The following SLC4A8 variants were observed in gnomAD, a reference collection of about 807,000 sequenced individuals.
SLC4A8 encodes electroneutral sodium bicarbonate exchanger 1.
In SLC4A8, 40 loss-of-function variants were observed where a neutral mutation model predicts 125.0. The ratio of observed to expected loss-of-function variants is 0.32; its 90% CI spans 0.25 to 0.42. SLC4A8 has a LOEUF of 0.42. SLC4A8 is among the 10% of genes least tolerant of loss of function. The probability of loss-of-function intolerance (pLI) is 1.00; values close to 1 mark genes in which losing one functional copy is unlikely to be tolerated. For missense variants in SLC4A8, 863 were observed against 1,355.1 expected (o/e 0.64, Z 5.70); for synonymous variants, 456 against 476.0 (o/e 0.96, Z 0.55).
At chr12:51,458,312 A>C (rs1211093193) in intron 6 of SLC4A8, among the ~76,000 whole-genome samples, 1 of 152,248 alleles carries the variant, frequency 6.6e-6, no homozygotes, top group Non-Finnish European at 1.5e-5. Flanking sequence ...GCCTTAATAG[A>C]GAAATAAAAG....
At chr12:51,469,184 G>T (rs565307303) in intron 11 of SLC4A8, 1 of 154,898 alleles carries the variant, frequency 6.5e-6, no homozygotes, top group South Asian at 2.0e-4. Context: ...CAAGTAAGGG[G>T]GGTAGTTGTT....
At chr12:51,397,655 A>T (rs571362689) in intron 1 of SLC4A8, among the ~76,000 whole-genome samples, 7 of 152,328 alleles carry the variant, frequency 4.6e-5, no homozygotes, top group South Asian at 4.1e-4. Flanking sequence ...TTTTGGTATG[A>T]TATAGTCTGC....
rs758310578 is a variant in SLC4A8, at chr12:51,513,475, T to C, written c.*6037T>C. 1.1e-4 allele frequency: 17 copies of C among 152,188 alleles called. No homozygotes were observed. The highest frequency in any genetic ancestry group is 2.2e-4 in the African/African-American group (9 of 41,430). The allele number at this position is 152,188 out of a possible 1,614,324, so 9.4% of individuals were successfully genotyped here. A position where few individuals can be genotyped will look rare whatever the true frequency, so the allele number is the denominator to read the frequency against. On this transcript the variant is annotated 3_prime_UTR_variant, in exon 25 of 25. Coordinates refer to ENST00000453097, the MANE Select transcript of SLC4A8 (RefSeq NM_001039960.3). ...TTTGTTTTTTGTTTTTGAGACGGAGTCTCGCTCTGTCGCTTTGTCACCAGG... is the reference window on the plus strand; with the variant it reads ...TTTGTTTTTTGTTTTTGAGACGGAGCCTCGCTCTGTCGCTTTGTCACCAGG...
chr12:51,452,557 T>C (rs1950002795), intron 4 of SLC4A8, among the ~76,000 whole-genome samples: 1 of 152,212 alleles, frequency 6.6e-6, no homozygotes, highest in Non-Finnish European at 1.5e-5. Flanking sequence ...CTTGGTATTA[T>C]TATAGGTCTG....
chr12:51,469,416 T>C (rs1950624691), intron 11 of SLC4A8, among the ~76,000 whole-genome samples, 198 bp from the exon 12 acceptor site: 1 of 152,176 alleles, frequency 6.6e-6, no homozygotes, highest in African/African-American at 2.4e-5. Flanking sequence ...GGATATTCAT[T>C]CAAATTTACC....
rs192476728 is a variant in SLC4A8, at chr12:51,428,481, A to G, written c.48+3446A>G. On this transcript the variant is annotated intron_variant, in intron 1 of 24. Coordinates refer to ENST00000453097, the MANE Select transcript of SLC4A8 (RefSeq NM_001039960.3). ...GATTGGCACAGAGTGACAGATGGCC[A>G]TTACTTCATTACACAACATCTCTTC... Among the ~76,000 whole-genome samples, 439 of 152,326 alleles carry G rather than the reference A, an allele frequency of 2.9e-3. 2 individuals carry two copies. Among genetic ancestry groups the G allele is most frequent in the African/African-American group, 0.01 (427 of 41,568 alleles).
At chr12:51,485,032 AG>A (rs1187635423) in intron 16 of SLC4A8, among the ~76,000 whole-genome samples, 1 of 152,132 alleles carries the variant, frequency 6.6e-6, no homozygotes, top group East Asian at 1.9e-4. Flanking sequence ...GGCATGTTTA[AG>A]GAAACAGCAA....
At position 51,461,221 on chromosome 12, in the gene SLC4A8, TG is replaced by T; in HGVS notation, c.1034del (p.Gly345ValfsTer3). 6.2e-7 allele frequency: 1 copy of T among 1,610,458 alleles called. No homozygotes were observed. The highest frequency in any genetic ancestry group is 8.5e-7 in the Non-Finnish European group (1 of 1,177,078). ...PIPTRFLFILLGPVGKGQQYH... is the reference protein window; with the variant it reads ...PIPTRFLFILXGPVGKGQQYH... ...TTTGCCAGATTTTTGTTTATCTTAT[TG>T]GGTCCAGTAGGGAAAGGTCAGCAGT... On this transcript the variant is annotated frameshift_variant, in exon 9 of 25. Coordinates refer to ENST00000453097, the MANE Select transcript of SLC4A8 (RefSeq NM_001039960.3). LOFTEE classifies it high-confidence loss of function.
intron 4 of SLC4A8, 23 bp from the exon 5 acceptor site, chr12:51,453,516 C>A: frequency 1.2e-6 from 2 of 1,605,022 alleles, no homozygotes; most frequent in Middle Eastern, 1.7e-4. Context: ...TCTTTGGCAT[C>A]TAGTTATTTG....
chr12:51,399,910 A>T (rs1170297763), intron 1 of SLC4A8, among the ~76,000 whole-genome samples: 1 of 150,582 alleles, frequency 6.6e-6, no homozygotes, highest in Non-Finnish European at 1.5e-5. Flanking sequence ...TGAACCTGGG[A>T]GGTGGAGGTT....
intron 1 of SLC4A8, among the ~76,000 whole-genome samples, chr12:51,415,146 G>A (rs1948660768): frequency 6.6e-6 from 1 of 151,636 alleles, no homozygotes; most frequent in Non-Finnish European, 1.5e-5. Context: ...TGTCTATTAG[G>A]TTGGTGCAAA....
intron 1 of SLC4A8, among the ~76,000 whole-genome samples, chr12:51,416,690 C>T (rs926236687): frequency 1.3e-5 from 2 of 152,064 alleles, no homozygotes; most frequent in African/African-American, 4.8e-5. Context: ...GTAAAGCTTC[C>T]ACAATTGTTA....
At chr12:51,409,833 A>G (rs944893593) in intron 1 of SLC4A8, among the ~76,000 whole-genome samples, 4 of 152,256 alleles carry the variant, frequency 2.6e-5, no homozygotes, top group African/African-American at 7.2e-5. Flanking sequence ...AAGCACCAGC[A>G]GTTGAAGAAA....
chr12:51,399,385 G>A (rs1366317519), intron 1 of SLC4A8, among the ~76,000 whole-genome samples: 1 of 152,154 alleles, frequency 6.6e-6, no homozygotes, highest in Non-Finnish European at 1.5e-5. Context: ...CACTGTTACT[G>A]ATTTCTTTTG....
At position 51,428,935 on chromosome 12, in the gene SLC4A8, G is replaced by A. The variant is rs530650054; in HGVS notation, c.48+3900G>A. On this transcript the variant is annotated intron_variant, in intron 1 of 24. Coordinates refer to ENST00000453097, the MANE Select transcript of SLC4A8 (RefSeq NM_001039960.3). ...TTTATTTTTTATTTTTTGAGATGGA[G>A]TTTCACTCTTGTTGCCCAGGCTGGA... 5.9e-5 allele frequency among the ~76,000 whole-genome samples: 9 copies of A among 152,156 alleles called. No individual in the cohort carries two copies. In the South Asian group the frequency reaches 1.7e-3, roughly 28 times the overall value.
rs1285902351 is a variant in SLC4A8, at chr12:51,509,793, C to G, written c.*2355C>G. ...TAGGGTACTTCTCGAGCTAGACCCT[C>G]CTGGATCACTGCGCCTTAGGAATGT... On this transcript the variant is annotated 3_prime_UTR_variant, in exon 25 of 25. Transcript: ENST00000453097. The G allele has an allele frequency of 6.6e-6, 1 of 152,182 alleles. No individual in the cohort carries two copies. Among genetic ancestry groups the G allele is most frequent in the Non-Finnish European group, 1.5e-5 (1 of 68,062 alleles). 9.4% of individuals were successfully genotyped at this position (152,182 alleles called of 1,614,324 possible).
Position 51,493,760 on chromosome 12 carries a change from A to G in SLC4A8, c.2757A>G (p.Leu919=), listed in dbSNP as rs774446900. The G allele has an allele frequency of 4.4e-5, 71 of 1,602,180 alleles. No individual in the cohort carries two copies. The highest frequency in any genetic ancestry group is 5.9e-5 in the Non-Finnish European group (69 of 1,169,176). ...TCCTTTACATGGGAGTTTCTTCACT[A>G]CAGGGAATTCAGGTATTGTATGGTT... ...GVFLYMGVSS[L]QGIQFFDRLK... is the part of the protein sequence containing the mutation. The change falls in exon 20 of 25, where the codon CTA becomes CTG. Residue 919 remains leucine (L), a synonymous_variant. Coordinates refer to ENST00000453097, the MANE Select transcript of SLC4A8 (RefSeq NM_001039960.3).
upstream of SLC4A8, among the ~76,000 whole-genome samples, chr12:51,423,666 A>G (rs959111833): frequency 2.0e-5 from 3 of 152,170 alleles, no homozygotes; most frequent in Non-Finnish European, 4.4e-5. Context: ...GGGGCTGAGA[A>G]TTATTTGCAA....
intron 1 of SLC4A8, among the ~76,000 whole-genome samples, chr12:51,397,946 T>C (rs1948296238): frequency 6.6e-6 from 1 of 152,092 alleles, no homozygotes. Flanking sequence ...TGTGTGCCTA[T>C]AGTCCCAGCT....
Sources: gnomAD v4.1 joint callset for allele counts (sites outside exome capture counted in the v4.1 genomes callset) on GRCh38, gnomAD v4.1.1 for gene constraint, MANE v1.5 for transcripts, NCBI Gene and HGNC (gene_info 2026-07-23, HGNC 2026-07-21) for gene names.